Variants in NR2C2 observed in about 807,000 individuals in gnomAD.
The protein encoded by NR2C2 is nuclear receptor subfamily 2 group C member 2, also known as Nuclear hormone receptor TR4.
Under a neutral mutation model 62.9 loss-of-function variants are expected in NR2C2, and 6 were observed. The observed-to-expected ratio is 0.10, with a 90% CI of 0.05 to 0.19. NR2C2 has a LOEUF of 0.19. Ranked by LOEUF, NR2C2 falls within the 10% of genes least tolerant of loss-of-function variation. The pLI is 1.00. For synonymous variants in NR2C2, 272 were observed against 273.8 expected (o/e 0.99, Z 0.07); for missense variants, 479 against 762.7 (o/e 0.63, Z 4.38).
rs2042432838 is a variant in NR2C2 at position 15,045,896 on chromosome 3, A to T, written c.*2888A>T. On this transcript the variant is annotated 3_prime_UTR_variant, in exon 14 of 14. Coordinates refer to ENST00000425241, the MANE Select transcript of NR2C2 (RefSeq NM_001291694.2). ...GAGGCAGCTGGCTCAGAGAGGTGGG[A>T]CAGACACATGCTGTCATCAGTTAAG... 6.6e-6 allele frequency: 1 copy of T among 152,218 alleles called. No individual in the cohort carries two copies. The highest frequency in any genetic ancestry group is 1.5e-5 in the Non-Finnish European group (1 of 68,036). 9.4% of individuals were successfully genotyped at this position (152,218 alleles called of 1,614,324 possible).
rs1161619901 is a variant in NR2C2, at chr3:15,028,596, G to A, written c.809G>A (p.Ser270Asn). 2 of 1,612,874 alleles carry A rather than the reference G, an allele frequency of 1.2e-6. No homozygotes were observed. Among genetic ancestry groups the A allele is most frequent in the Admixed American group, 1.7e-5 (1 of 59,984 alleles). ...TTTTTTGTTTAATAGGCTGAAACAA[G>A]CCAGGGAGCTCTGGGCACACTGGCA... ...LLATDSKAET[S>N]QGALGTLANV... Residue 270 changes from serine (S) to asparagine (N), a missense_variant, in exon 8 of 14, where the codon AGC (serine) becomes AAC (asparagine). Around this residue, in one of 4 missense-constraint regions of NR2C2, gnomAD observed 151 missense variants for 176.1 expected, o/e 0.86. Transcript: ENST00000425241.
chr3:14,990,111 T>C lies in NR2C2; in HGVS notation c.-39-13765T>C, dbSNP rs2040627694. 2.0e-5 allele frequency among the ~76,000 whole-genome samples: 3 copies of C among 152,038 alleles called. No individual in the cohort carries two copies. In the South Asian group the frequency reaches 6.2e-4, roughly 32 times the overall value. ...AGAGCCAGACCTTGTCTTTATTTAA[T>C]AAAAAGAAGAATATTAGATTACTGC... On this transcript the variant is annotated intron_variant, in intron 1 of 13. Coordinates refer to ENST00000425241, the MANE Select transcript of NR2C2 (RefSeq NM_001291694.2).
intron 10 of NR2C2, 148 bp downstream of exon 10, chr3:15,032,648 G>A (rs2042010392): frequency 2.2e-6 from 2 of 910,494 alleles, no homozygotes; most frequent in Non-Finnish European, 3.3e-6. Flanking sequence ...AATATAGTTA[G>A]TGGACTGGTA....
chr3:15,029,846 G>T (rs76361607), intron 8 of NR2C2, among the ~76,000 whole-genome samples: 18 of 125,024 alleles, frequency 1.4e-4, no homozygotes, highest in Admixed American at 9.6e-4. Flanking sequence ...GATAGATATA[G>T]ATAGACCCCA....
chr3:15,013,837 TTGTTCC>T (rs756159829), intron 3 of NR2C2, 48 bp downstream of exon 3: 1 of 1,590,290 alleles, frequency 6.3e-7, no homozygotes, highest in Non-Finnish European at 8.6e-7. Context: ...GCTATTGAAC[TTGTTCC>T]TGACTTGTTC....
chr3:14,983,863 A>G lies in NR2C2; in HGVS notation c.-39-20013A>G, dbSNP rs149856810. 8.2e-3 allele frequency among the ~76,000 whole-genome samples: 1,244 copies of G among 151,976 alleles called. 21 individuals are homozygous for G. Among genetic ancestry groups the G allele is most frequent in the African/African-American group, 0.029 (1,187 of 41,518 alleles). On this transcript the variant is annotated intron_variant, in intron 1 of 13. Coordinates refer to ENST00000425241, the MANE Select transcript of NR2C2 (RefSeq NM_001291694.2). ...TTTATTGGCATCTAGTTTTTAGAAC[A>G]TCCTTGTTTTGTATTTTTTTATTAT...
intron 1 of NR2C2, among the ~76,000 whole-genome samples, chr3:14,980,992 C>T (rs2040349985): frequency 6.6e-6 from 1 of 152,216 alleles, no homozygotes; most frequent in East Asian, 1.9e-4. Flanking sequence ...GAGCTATCAC[C>T]TGTGAATCAG....
intron 1 of NR2C2, among the ~76,000 whole-genome samples, chr3:14,983,579 G>T (rs1409891732): frequency 1.3e-5 from 2 of 151,784 alleles, no homozygotes; most frequent in African/African-American, 4.8e-5. Flanking sequence ...TTAAATTTAT[G>T]CTAGCCTCAT....
At chr3:14,955,529 A>G (rs1351850163) in intron 1 of NR2C2, among the ~76,000 whole-genome samples, 1 of 152,156 alleles carries the variant, frequency 6.6e-6, no homozygotes, top group African/African-American at 2.4e-5. Context: ...TTAGAGTCAA[A>G]GAGGCCTCAG....
intron 1 of NR2C2, among the ~76,000 whole-genome samples, chr3:14,994,261 A>G (rs2040753706): frequency 6.6e-6 from 1 of 152,074 alleles, no homozygotes; most frequent in African/African-American, 2.4e-5. Flanking sequence ...GAATTATCAC[A>G]GAGAAAACAT....
Position 15,043,090 on chromosome 3 carries a change from T to C in NR2C2, c.*82T>C. 7.4e-7 allele frequency: 1 copy of C among 1,343,502 alleles called. No individual in the cohort carries two copies. Among genetic ancestry groups the C allele is most frequent in the Non-Finnish European group, 1.0e-6 (1 of 998,856 alleles). The allele number at this position is 1,343,502 out of a possible 1,614,324, so 83.2% of individuals were successfully genotyped here. On this transcript the variant is annotated 3_prime_UTR_variant, in exon 14 of 14. Transcript: ENST00000425241. Reference sequence around the variant, plus strand: ...AAAGAAAAGTAGTGGTATTTTGGTATGTGCAAATATTTCCATATGTTAGCC... The same window carrying C: ...AAAGAAAAGTAGTGGTATTTTGGTACGTGCAAATATTTCCATATGTTAGCC...
intron 1 of NR2C2, among the ~76,000 whole-genome samples, chr3:14,982,233 T>G (rs114904774): frequency 5.8e-4 from 89 of 152,256 alleles, no homozygotes; most frequent in African/African-American, 2.0e-3. Context: ...CCCAGCTATT[T>G]ATTTACTTAC....
intron 1 of NR2C2, among the ~76,000 whole-genome samples, chr3:14,980,172 A>G (rs2040324212): frequency 6.6e-6 from 1 of 152,060 alleles, no homozygotes; most frequent in Non-Finnish European, 1.5e-5. Context: ...GTGTTAGGGA[A>G]CAGGGTCTCA....
At chr3:14,985,622 T>C (rs1559546414) in intron 1 of NR2C2, among the ~76,000 whole-genome samples, 1 of 151,676 alleles carries the variant, frequency 6.6e-6, no homozygotes, top group African/African-American at 2.4e-5. Context: ...ACACTGGTTA[T>C]GATGTTCTGA....
chr3:14,997,760 G>T (rs1045477941), intron 1 of NR2C2, among the ~76,000 whole-genome samples: 3 of 152,102 alleles, frequency 2.0e-5, no homozygotes, highest in Non-Finnish European at 4.4e-5. Context: ...GCCCAGTAAT[G>T]AATTAATTGA....
At chr3:15,029,853 C>A in intron 8 of NR2C2, among the ~76,000 whole-genome samples, 1 of 122,290 alleles carries the variant, frequency 8.2e-6, no homozygotes, top group South Asian at 2.5e-4. Flanking sequence ...ATAGATAGAC[C>A]CCATCTCTGA....
In NR2C2 at chr3:15,044,939, A is replaced by T. The variant is rs147389110; in HGVS notation, c.*1931A>T. On this transcript the variant is annotated 3_prime_UTR_variant, in exon 14 of 14. Transcript: ENST00000425241. ...TTGGATTTAATTATATCATTTTATA[A>T]TTCTTGCCTTGGCAGCAAATTTTGG... The T allele has an allele frequency of 9.5e-4, 144 of 152,366 alleles. 1 individual carries two copies. Among genetic ancestry groups the T allele is most frequent in the African/African-American group, 3.3e-3 (136 of 41,586 alleles). 9.4% of individuals were successfully genotyped at this position (152,366 alleles called of 1,614,324 possible).
intron 7 of NR2C2, among the ~76,000 whole-genome samples, chr3:15,024,713 G>A (rs1324067943): frequency 1.3e-5 from 2 of 152,204 alleles, no homozygotes; most frequent in Non-Finnish European, 2.9e-5. Flanking sequence ...GCTGGCTCCT[G>A]TGAAGATAAC....
chr3:14,972,073 T>A (rs2040058567), intron 1 of NR2C2, among the ~76,000 whole-genome samples: 1 of 151,882 alleles, frequency 6.6e-6, no homozygotes, highest in African/African-American at 2.4e-5. Context: ...CCTCCCAAAG[T>A]GCTTGGGATT....
Sources: gnomAD v4.1 joint callset for allele counts (sites outside exome capture counted in the v4.1 genomes callset) on GRCh38, gnomAD v4.1.1 for gene constraint, gnomAD v4.1.1 regional missense constraint, MANE v1.5 for transcripts, NCBI Gene and HGNC (gene_info 2026-07-23, HGNC 2026-07-21) for gene names.